Variants in SEMA6D observed in about 807,000 individuals in gnomAD.
The protein encoded by SEMA6D is semaphorin 6D, also known as semaphorin-6D.
SEMA6D carries 35 observed loss-of-function variants against 106.6 expected under a neutral mutation model. That is an observed-to-expected ratio of 0.33 (90% confidence interval 0.25 to 0.44). The LOEUF (loss-of-function observed/expected upper bound fraction) is 0.44, where lower values mean the gene tolerates loss of function less well. Ranked by LOEUF, SEMA6D falls within the 20% of genes least tolerant of loss-of-function variation. The pLI, the probability that SEMA6D is intolerant of heterozygous loss-of-function variation, is 1.00. For synonymous variants in SEMA6D, 499 were observed against 487.7 expected (o/e 1.02, Z -0.31); for missense variants, 1,185 against 1,345.9 (o/e 0.88, Z 1.87).
intron 3 of SEMA6D, among the ~76,000 whole-genome samples, chr15:47,484,173 C>T (rs982892530): frequency 1.3e-5 from 2 of 152,168 alleles, no homozygotes; most frequent in Non-Finnish European, 2.9e-5. Flanking sequence ...CATTTTGTAG[C>T]ATTCTAAGCA....
chr15:47,296,975 C>G (rs1043387900), intron 1 of SEMA6D, among the ~76,000 whole-genome samples: 1 of 152,090 alleles, frequency 6.6e-6, no homozygotes, highest in African/African-American at 2.4e-5. Flanking sequence ...TAACACAGCC[C>G]TTTCTTCCCC....
chr15:47,506,552 T>G (rs958206078), intron 3 of SEMA6D, among the ~76,000 whole-genome samples: 1 of 151,486 alleles, frequency 6.6e-6, no homozygotes, highest in Non-Finnish European at 1.5e-5. Flanking sequence ...ATATTGTTAT[T>G]TTAGTCTTCA....
intron 3 of SEMA6D, among the ~76,000 whole-genome samples, chr15:47,595,112 A>G (rs2076509857): frequency 6.6e-6 from 1 of 152,192 alleles, no homozygotes; most frequent in African/African-American, 2.4e-5. Context: ...GGGTTTGCCA[A>G]TAGGAATCAA....
At chr15:47,479,865 C>CTTT (rs887943372) in intron 3 of SEMA6D, among the ~76,000 whole-genome samples, 15 of 126,184 alleles carry the variant, frequency 1.2e-4, no homozygotes, top group Admixed American at 1.6e-4. Flanking sequence ...TCTTATCATT[C>CTTT]TTTTTTTTTT....
intron 1 of SEMA6D, among the ~76,000 whole-genome samples, chr15:47,287,278 CT>C (rs1252596338): frequency 6.6e-6 from 1 of 152,110 alleles, no homozygotes; most frequent in Admixed American, 6.5e-5. Context: ...AGAAATAAGC[CT>C]TTGTTAGGCT....
At chr15:47,656,301 C>A (rs1426047478) in intron 4 of SEMA6D, among the ~76,000 whole-genome samples, 2 of 152,122 alleles carry the variant, frequency 1.3e-5, no homozygotes, top group Admixed American at 1.3e-4. Context: ...GGAATCTAAC[C>A]CTGTAGCTCC....
Position 47,208,023 on chromosome 15 carries a change from A to G in SEMA6D, c.-239+23605A>G, listed in dbSNP as rs1040189627. Among the ~76,000 whole-genome samples the G allele has an allele frequency of 7.3e-5, 11 of 149,942 alleles. No homozygotes were observed. In the South Asian group the frequency reaches 2.3e-3, roughly 32 times the overall value. On this transcript the variant is annotated intron_variant, in intron 1 of 19. Transcript: ENST00000558014. ...CACACACACACACACACACACACACACACACACACACACACACACACACAC... is the reference window on the plus strand; with the variant it reads ...CACACACACACACACACACACACACGCACACACACACACACACACACACAC...
intron 2 of SEMA6D, among the ~76,000 whole-genome samples, chr15:47,434,592 A>C (rs567957300): frequency 2.0e-5 from 3 of 152,262 alleles, no homozygotes; most frequent in African/African-American, 2.4e-5. Context: ...GAAACAGACT[A>C]TAGGCAAGTG....
intron 2 of SEMA6D, among the ~76,000 whole-genome samples, chr15:47,445,122 A>G (rs908383336): frequency 1.3e-5 from 2 of 152,068 alleles, no homozygotes; most frequent in African/African-American, 2.4e-5. Flanking sequence ...TCTCTCTGCT[A>G]TGCCATTCTG....
chr15:47,201,969 C>A (rs1211785487), intron 1 of SEMA6D, among the ~76,000 whole-genome samples: 1 of 152,050 alleles, frequency 6.6e-6, no homozygotes, highest in African/African-American at 2.4e-5. Context: ...GATCCTTGAG[C>A]TTATGCTGCC....
intron 4 of SEMA6D, among the ~76,000 whole-genome samples, chr15:47,632,774 G>A (rs1383334097): frequency 6.6e-6 from 1 of 151,676 alleles, no homozygotes; most frequent in East Asian, 1.9e-4. Context: ...TACGTTTAAG[G>A]TAATTATTCA....
chr15:47,703,129 A>G (rs1283157696), intron 4 of SEMA6D, among the ~76,000 whole-genome samples: 1 of 152,208 alleles, frequency 6.6e-6, no homozygotes, highest in Non-Finnish European at 1.5e-5. Flanking sequence ...GACTTTTTCA[A>G]AAAGACACGA....
intron 1 of SEMA6D, among the ~76,000 whole-genome samples, chr15:47,342,070 G>T (rs1007484238): frequency 6.6e-6 from 1 of 151,536 alleles, no homozygotes; most frequent in South Asian, 2.1e-4. Flanking sequence ...AAATCCAAAA[G>T]GAAGGCCTTT....
At chr15:47,763,158 C>A (rs2082153691) in intron 9 of SEMA6D, 54 bp downstream of exon 9, 6 of 1,368,676 alleles carry the variant, frequency 4.4e-6, no homozygotes, top group Non-Finnish European at 6.2e-6. Flanking sequence ...GAAATTGAGA[C>A]CACTGTGATA....
chr15:47,675,821 T>G (rs1463034785), intron 4 of SEMA6D, among the ~76,000 whole-genome samples: 1 of 152,142 alleles, frequency 6.6e-6, no homozygotes, highest in Non-Finnish European at 1.5e-5. Context: ...CCCTACCCCT[T>G]TCCCTGATGT....
At chr15:47,422,170 C>CTG (rs756772096) in intron 2 of SEMA6D, among the ~76,000 whole-genome samples, 4,157 of 131,400 alleles carry the variant, frequency 0.032, 350 homozygotes, top group South Asian at 0.054. Context: ...TTTTGCCCGC[C>CTG]CGCCTGCCTG....
At chr15:47,223,455 C>T (rs1385915980) in intron 1 of SEMA6D, among the ~76,000 whole-genome samples, 1 of 151,766 alleles carries the variant, frequency 6.6e-6, no homozygotes, top group Non-Finnish European at 1.5e-5. Flanking sequence ...ATGTTTTCTC[C>T]CTTTGATTTT....
At chr15:47,266,306 G>GAA (rs2034314795) in intron 1 of SEMA6D, among the ~76,000 whole-genome samples, 1 of 151,798 alleles carries the variant, frequency 6.6e-6, no homozygotes, top group African/African-American at 2.4e-5. Context: ...CTGCTCCTTT[G>GAA]AAAAGAAATT....
chr15:47,772,815 T>G lies in SEMA6D; in HGVS notation c.*1030T>G, dbSNP rs1194018756. The G allele has an allele frequency of 1.1e-5, 1 of 91,998 alleles. No individual in the cohort carries two copies. The highest frequency in any genetic ancestry group is 2.0e-5 in the Non-Finnish European group (1 of 50,936). 5.7% of individuals were successfully genotyped at this position (91,998 alleles called of 1,614,324 possible). A position where few individuals can be genotyped will look rare whatever the true frequency, so the allele number is the denominator to read the frequency against. Reference sequence around the variant, plus strand: ...ATTGTGTTCGTTTCCCCCCCCCCAATAGTAAAATTTCTCCTCCTTTAACTC... The same window carrying G: ...ATTGTGTTCGTTTCCCCCCCCCCAAGAGTAAAATTTCTCCTCCTTTAACTC... On this transcript the variant is annotated 3_prime_UTR_variant, in exon 19 of 19. Transcript: ENST00000536845.
Sources: allele counts gnomAD v4.1 joint callset (sites outside exome capture counted in the v4.1 genomes callset), GRCh38; gene constraint gnomAD v4.1.1; transcripts MANE v1.5; gene names NCBI Gene and HGNC (gene_info 2026-07-23, HGNC 2026-07-21).